The following LRRC36 variants were observed in gnomAD, a reference collection of about 807,000 sequenced individuals.
LRRC36 encodes the protein leucine rich repeat containing 36.
Under a neutral mutation model 81.1 loss-of-function variants are expected in LRRC36, and 62 were observed. The observed-to-expected ratio is 0.76, with a 90% CI of 0.62 to 0.94. LRRC36 has a LOEUF of 0.94. Ranked by LOEUF, LRRC36 falls within the 40% of genes least tolerant of loss-of-function variation. The pLI is 0.00. For missense variants in LRRC36, 761 were observed against 881.7 expected (o/e 0.86, Z 1.73); for synonymous variants, 334 against 348.6 (o/e 0.96, Z 0.47).
rs943186220 is a variant in LRRC36 at position 67,327,069 on chromosome 16, G to T, written c.70+137G>T. The T allele has an allele frequency of 4.9e-6, 4 of 810,772 alleles. No individual in the cohort carries two copies. The African/African-American group carries it at 7.4e-5, about 15-fold the overall frequency. The allele number at this position is 810,772 out of a possible 1,614,324, so 50.2% of individuals were successfully genotyped here. On this transcript the variant is annotated intron_variant, in intron 1 of 13. Coordinates refer to ENST00000329956, the MANE Select transcript of LRRC36 (RefSeq NM_018296.6). ...AGCGGTACCTGAGGCTGGGGGGCGG[G>T]GGGATAACTTGAGGCAGAAGGTTAG...
At chr16:67,371,284 G>A in intron 9 of LRRC36, 42 bp downstream of exon 9, 1 of 1,609,850 alleles carries the variant, frequency 6.2e-7, no homozygotes, top group Non-Finnish European at 8.5e-7. Flanking sequence ...AAACAGGTCA[G>A]GTTCGAGACC....
intron 2 of LRRC36, among the ~76,000 whole-genome samples, chr16:67,342,800 C>T (rs184957971): frequency 8.6e-4 from 131 of 152,280 alleles, no homozygotes; most frequent in African/African-American, 3.1e-3. Context: ...TATGCAAGAT[C>T]GAGCGTGACA....
Position 67,384,854 on chromosome 16 carries a change from T to C in LRRC36, c.2046-16T>C. On this transcript the variant is annotated splice_polypyrimidine_tract_variant and intron_variant, in intron 13 of 13. Transcript: ENST00000329956. ...CTTTTATGATTTCATGACTGCCTTT[T>C]TCCCTTGGGCCTCAGATCCCTGGTG... 6.2e-7 allele frequency: 1 copy of C among 1,606,818 alleles called. No homozygotes were observed. Among genetic ancestry groups the C allele is most frequent in the Non-Finnish European group, 8.5e-7 (1 of 1,173,712 alleles).
intron 12 of LRRC36, among the ~76,000 whole-genome samples, chr16:67,380,846 G>A (rs1260680574): frequency 6.6e-6 from 1 of 152,194 alleles, no homozygotes; most frequent in East Asian, 1.9e-4. Context: ...TCACCTGGGA[G>A]CTTGCTAAAC....
intron 11 of LRRC36, 140 bp downstream of exon 11, chr16:67,377,012 G>A: frequency 3.4e-6 from 3 of 870,924 alleles, no homozygotes; most frequent in Non-Finnish European, 4.9e-6. Flanking sequence ...AAACTTGCTA[G>A]GACAGGGACA....
intron 12 of LRRC36, among the ~76,000 whole-genome samples, chr16:67,379,954 T>G (rs1054549509): frequency 6.6e-6 from 1 of 152,158 alleles, no homozygotes; most frequent in African/African-American, 2.4e-5. Context: ...CATATTTATC[T>G]ATTTTGTCCT....
intron 1 of LRRC36, among the ~76,000 whole-genome samples, chr16:67,332,011 A>C (rs1452584080): frequency 6.6e-6 from 1 of 152,052 alleles, no homozygotes; most frequent in Non-Finnish European, 1.5e-5. Context: ...AAAAAGAAAA[A>C]GTTTTATTTA....
chr16:67,346,202 A>T (rs2038339229), intron 2 of LRRC36, 54 bp from the exon 3 acceptor site: 3 of 1,092,890 alleles, frequency 2.7e-6, no homozygotes, highest in Non-Finnish European at 3.9e-6. Flanking sequence ...TTTATCTATG[A>T]GGTTCCTAGT....
At chr16:67,356,634 A>T (rs1021302650) in intron 5 of LRRC36, among the ~76,000 whole-genome samples, 2 of 152,202 alleles carry the variant, frequency 1.3e-5, no homozygotes, top group African/African-American at 4.8e-5. Flanking sequence ...CATTTTGGAA[A>T]GATTTATTGC....
chr16:67,328,135 TG>T (rs1411547600), intron 1 of LRRC36, among the ~76,000 whole-genome samples: 1 of 152,174 alleles, frequency 6.6e-6, no homozygotes, highest in African/African-American at 2.4e-5. Context: ...ATGATTAATT[TG>T]GTAGAGGGGG....
Position 67,385,143 on chromosome 16 carries a change from C to T in LRRC36, c.*54C>T. 1 of 1,334,202 alleles carries T rather than the reference C, an allele frequency of 7.5e-7. No individual in the cohort carries two copies. The highest frequency in any genetic ancestry group is 1.1e-6 in the Non-Finnish European group (1 of 932,530). 82.6% of individuals were successfully genotyped at this position (1,334,202 alleles called of 1,614,324 possible). A position where few individuals can be genotyped will look rare whatever the true frequency, so the allele number is the denominator to read the frequency against. ...CCCTGGTCCACAGAGGCTCTCACCGCCATTGCCACCAGTATGGTGGTATGT... is the reference window on the plus strand; with the variant it reads ...CCCTGGTCCACAGAGGCTCTCACCGTCATTGCCACCAGTATGGTGGTATGT... On this transcript the variant is annotated 3_prime_UTR_variant, in exon 14 of 14. Coordinates refer to ENST00000329956, the MANE Select transcript of LRRC36 (RefSeq NM_018296.6).
intron 1 of LRRC36, among the ~76,000 whole-genome samples, chr16:67,327,735 A>G (rs2037262950): frequency 1.3e-5 from 2 of 152,182 alleles, no homozygotes; most frequent in South Asian, 4.1e-4. Flanking sequence ...CAACCTTGGA[A>G]TATTTCAGTG....
At chr16:67,335,104 A>G (rs2037695884) in intron 1 of LRRC36, among the ~76,000 whole-genome samples, 1 of 152,198 alleles carries the variant, frequency 6.6e-6, no homozygotes, top group South Asian at 2.1e-4. Context: ...TTATCAGGAA[A>G]CAGGATTTGA....
intron 5 of LRRC36, among the ~76,000 whole-genome samples, chr16:67,362,883 T>C (rs2039220715): frequency 6.6e-6 from 1 of 152,088 alleles, no homozygotes; most frequent in South Asian, 2.1e-4. Flanking sequence ...GTTCAAGCAA[T>C]TCTCCTGCCT....
chr16:67,355,475 C>T (rs1365092926), intron 5 of LRRC36, among the ~76,000 whole-genome samples: 3 of 144,350 alleles, frequency 2.1e-5, no homozygotes, highest in East Asian at 4.3e-4. Flanking sequence ...CCCGGGTTCA[C>T]GCCATTCTCC....
chr16:67,341,228 A>ATATATATAAT (rs1271898477), intron 1 of LRRC36, among the ~76,000 whole-genome samples: 4 of 138,748 alleles, frequency 2.9e-5, no homozygotes, highest in African/African-American at 5.2e-5. Flanking sequence ...ATATAATTTA[A>ATATATATAAT]TATATATAAT....
intron 10 of LRRC36, 71 bp from the exon 11 acceptor site, chr16:67,376,656 A>G: frequency 6.8e-7 from 1 of 1,464,100 alleles, no homozygotes; most frequent in African/African-American, 1.4e-5. Context: ...GAGAGCTGGT[A>G]GTTACTGACT....
At chr16:67,356,526 C>G (rs2038910292) in intron 5 of LRRC36, among the ~76,000 whole-genome samples, 6 of 152,144 alleles carry the variant, frequency 3.9e-5, no homozygotes, top group Admixed American at 3.9e-4. Flanking sequence ...GAAATGAGAG[C>G]AATTCAGCAA....
chr16:67,372,700 GTTAC>G (rs1033494962), intron 9 of LRRC36, among the ~76,000 whole-genome samples: 1 of 152,174 alleles, frequency 6.6e-6, no homozygotes, highest in African/African-American at 2.4e-5. Flanking sequence ...GCCATTTCTA[GTTAC>G]TTATTTTTCA....
Sources: gnomAD v4.1 joint callset for allele counts (sites outside exome capture counted in the v4.1 genomes callset) on GRCh38, gnomAD v4.1.1 for gene constraint, MANE v1.5 for transcripts, NCBI Gene and HGNC (gene_info 2026-07-23, HGNC 2026-07-21) for gene names.